Variants in DECR1 observed in about 807,000 individuals in gnomAD.
The protein encoded by DECR1 is 2,4-dienoyl-CoA reductase 1, also known as 2,4-dienoyl-CoA reductase [(3E)-enoyl-CoA-producing], mitochondrial.
DECR1 carries 44 observed loss-of-function variants against 38.8 expected under a neutral mutation model. The ratio of observed to expected loss-of-function variants is 1.13; its 90% CI spans 0.89 to 1.46. The LOEUF (loss-of-function observed/expected upper bound fraction) is 1.46, where lower values mean the gene tolerates loss of function less well. DECR1 is among the 40% of genes most tolerant of loss of function. The pLI is 0.00. For synonymous variants in DECR1, 148 were observed against 135.2 expected (o/e 1.09, Z -0.66); for missense variants, 428 against 405.5 (o/e 1.06, Z -0.48).
intron 8 of DECR1, among the ~76,000 whole-genome samples, chr8:90,051,138 C>G (rs1814077255): frequency 1.3e-5 from 2 of 150,226 alleles, no homozygotes; most frequent in South Asian, 4.2e-4. Context: ...CAAACCTGCA[C>G]ATTGTGCACA....
intron 2 of DECR1, 142 bp from the exon 3 acceptor site, chr8:90,018,767 A>G: frequency 1.5e-6 from 1 of 687,112 alleles, no homozygotes; most frequent in Non-Finnish European, 2.5e-6. Context: ...GACTTTTAGA[A>G]AAAATTCACA....
intron 1 of DECR1, among the ~76,000 whole-genome samples, chr8:90,012,775 A>G (rs1690420046): frequency 6.6e-6 from 1 of 152,180 alleles, no homozygotes; most frequent in Non-Finnish European, 1.5e-5. Flanking sequence ...ACTCCTTAGC[A>G]GGCCAATTTG....
chr8:90,041,173 G>A (rs1268098802), intron 6 of DECR1, among the ~76,000 whole-genome samples: 1 of 152,018 alleles, frequency 6.6e-6, no homozygotes, highest in Non-Finnish European at 1.5e-5. Flanking sequence ...ATTCTAACTG[G>A]CATGAGATGG....
chr8:90,023,959 C>T (rs1813233086), intron 5 of DECR1, among the ~76,000 whole-genome samples: 1 of 152,070 alleles, frequency 6.6e-6, no homozygotes, highest in Admixed American at 6.6e-5. Flanking sequence ...TGAGTGAGAA[C>T]ATGTGGTGTT....
intron 1 of DECR1, among the ~76,000 whole-genome samples, chr8:90,003,715 G>T (rs1433744403): frequency 2.0e-5 from 3 of 152,164 alleles, no homozygotes; most frequent in Non-Finnish European, 4.4e-5. Context: ...GCTGAGGCGG[G>T]TGGATCATTA....
Position 90,033,513 on chromosome 8 carries a change from A to C in DECR1, c.566-3328A>C, listed in dbSNP as rs3026282. Among the ~76,000 whole-genome samples the C allele has an allele frequency of 9.6e-3, 1,458 of 152,222 alleles. 25 individuals are homozygous for C. The highest frequency in any genetic ancestry group is 0.034 in the African/African-American group (1,408 of 41,550). ...AAAATATATGTGACTAACCCTGGGGATCTAGGAATTCTTTACTTTGCACTT... is the reference window on the plus strand; with the variant it reads ...AAAATATATGTGACTAACCCTGGGGCTCTAGGAATTCTTTACTTTGCACTT... On this transcript the variant is annotated intron_variant, in intron 5 of 9. Transcript: ENST00000220764.
intron 6 of DECR1, among the ~76,000 whole-genome samples, chr8:90,038,069 T>C (rs991719244): frequency 6.6e-6 from 1 of 152,230 alleles, no homozygotes; most frequent in African/African-American, 2.4e-5. Flanking sequence ...ATTCAATAAA[T>C]ATTTATTGTG....
chr8:90,020,458 G>T (rs926385973), intron 4 of DECR1, among the ~76,000 whole-genome samples: 1 of 151,956 alleles, frequency 6.6e-6, no homozygotes, highest in Non-Finnish European at 1.5e-5. Flanking sequence ...GCACAATCAC[G>T]GCTCAGTGGA....
chr8:90,042,994 T>C (rs1454154258), intron 7 of DECR1, among the ~76,000 whole-genome samples, 194 bp downstream of exon 7: 1 of 152,118 alleles, frequency 6.6e-6, no homozygotes, highest in Non-Finnish European at 1.5e-5. Context: ...ATAGCAGCTA[T>C]GCAATTTCTT....
At chr8:90,011,062 C>G (rs1812871161) in intron 1 of DECR1, among the ~76,000 whole-genome samples, 1 of 152,120 alleles carries the variant, frequency 6.6e-6, no homozygotes, top group Non-Finnish European at 1.5e-5. Flanking sequence ...CTTGTGGATA[C>G]TTCTGACAGT....
chr8:90,039,038 C>T (rs999632488), intron 6 of DECR1, among the ~76,000 whole-genome samples: 1 of 152,110 alleles, frequency 6.6e-6, no homozygotes, highest in African/African-American at 2.4e-5. Context: ...TATTGTGTTC[C>T]TGCATATAAT....
At chr8:90,019,256 T>C (rs537730945) in intron 4 of DECR1, 84 bp downstream of exon 4, 9 of 1,154,346 alleles carry the variant, frequency 7.8e-6, no homozygotes, top group East Asian at 7.3e-5. Context: ...AATAAAATAT[T>C]GATACTGATG....
At position 90,001,554 on chromosome 8, in the gene DECR1, C is replaced by T; in HGVS notation, c.62C>T (p.Pro21Leu). 2 of 1,613,036 alleles carry T rather than the reference C, an allele frequency of 1.2e-6. No individual in the cohort carries two copies. The highest frequency in any genetic ancestry group is 1.7e-6 in the Non-Finnish European group (2 of 1,179,418). The part of the protein sequence containing the change: ...LGSRLPCGLA[P>L]RRFFSYGTKI... ...TCCCGGCTGCCCTGTGGCCTCGCTC[C>T]TCGGAGGGTAAGGCGGCCGGGGGCG... Residue 21 changes from proline to leucine, a missense_variant, in exon 1 of 10, where the codon CCT (proline) becomes CTT (leucine). Coordinates refer to ENST00000220764, the MANE Select transcript of DECR1 (RefSeq NM_001359.2).
At chr8:90,019,705 A>C (rs57317967) in intron 4 of DECR1, among the ~76,000 whole-genome samples, 1 of 151,726 alleles carries the variant, frequency 6.6e-6, no homozygotes, top group African/African-American at 2.4e-5. Flanking sequence ...CTGTGATGGA[A>C]CTCTGCCTCC....
intron 1 of DECR1, chr8:90,005,589 C>G: frequency 2.7e-6 from 1 of 374,052 alleles, no homozygotes; most frequent in East Asian, 7.2e-5. Flanking sequence ...CCTCTGAAGG[C>G]AGCTGGCTCC....
Position 90,051,950 on chromosome 8 carries a change from A to G in DECR1, c.*53A>G. On this transcript the variant is annotated 3_prime_UTR_variant, in exon 10 of 10. Transcript: ENST00000220764. ...AGAAAAGGGAATAGAAATGAAACAA[A>G]TTATCTCTCATCTTTTGACTATTTC... The G allele has an allele frequency of 7.0e-7, 1 of 1,437,006 alleles. No homozygotes were observed. The highest frequency in any genetic ancestry group is 9.8e-7 in the Non-Finnish European group (1 of 1,024,152). The allele number at this position is 1,437,006 out of a possible 1,614,324, so 89.0% of individuals were successfully genotyped here.
At chr8:90,015,556 CT>C in intron 1 of DECR1, 1 of 426,754 alleles carries the variant, frequency 2.3e-6, no homozygotes, top group South Asian at 1.7e-5. Flanking sequence ...GAACAGCCTC[CT>C]TCTAAATCAT....
At chr8:90,031,433 C>G (rs1207344549) in intron 5 of DECR1, among the ~76,000 whole-genome samples, 1 of 152,108 alleles carries the variant, frequency 6.6e-6, no homozygotes, top group Non-Finnish European at 1.5e-5. Flanking sequence ...AACCAGAGCC[C>G]TGATATCCCT....
intron 1 of DECR1, among the ~76,000 whole-genome samples, chr8:90,011,121 A>G (rs1812872576): frequency 6.6e-6 from 1 of 152,176 alleles, no homozygotes; most frequent in Non-Finnish European, 1.5e-5. Context: ...ATTTTAAAAA[A>G]CCACATGAAG....
Sources: gnomAD v4.1 joint callset for allele counts (sites outside exome capture counted in the v4.1 genomes callset) on GRCh38, gnomAD v4.1.1 for gene constraint, MANE v1.5 for transcripts, NCBI Gene and HGNC (gene_info 2026-07-23, HGNC 2026-07-21) for gene names.